Variants in CAPS2 observed in about 807,000 individuals in gnomAD.
The protein encoded by CAPS2 is calcyphosin-2.
In CAPS2, 98 loss-of-function variants were observed where a neutral mutation model predicts 86.5. The observed-to-expected ratio is 1.13, with a 90% CI of 0.96 to 1.34. The LOEUF (loss-of-function observed/expected upper bound fraction) is 1.34. Among genes scored for constraint, CAPS2 ranks in the 40% most tolerant of loss-of-function variants. The probability of loss-of-function intolerance (pLI) is 0.00; values close to 1 mark genes in which losing one functional copy is unlikely to be tolerated. For synonymous variants in CAPS2, 210 were observed against 225.1 expected (o/e 0.93, Z 0.60); for missense variants, 729 against 686.8 (o/e 1.06, Z -0.69).
At chr12:75,300,430 C>A (rs1169705568) in intron 8 of CAPS2, among the ~76,000 whole-genome samples, 1 of 151,786 alleles carries the variant, frequency 6.6e-6, no homozygotes, top group Admixed American at 6.6e-5. Context: ...GTGGTGGGCG[C>A]CCGTAGTCTC....
intron 1 of CAPS2, chr12:75,360,082 C>A (rs2043467481): frequency 6.6e-6 from 1 of 152,110 alleles, no homozygotes; most frequent in African/African-American, 2.4e-5. Context: ...ATGAGAACAG[C>A]ATGGGGGAAA....
intron 2 of CAPS2, among the ~76,000 whole-genome samples, chr12:75,324,477 G>A (rs2040584590): frequency 1.3e-5 from 2 of 152,038 alleles, no homozygotes; most frequent in East Asian, 3.9e-4. Flanking sequence ...CAGAAAATCA[G>A]TCCTTAAACT....
exon 11 of CAPS2, chr12:75,298,705 T>C: frequency 1.2e-6 from 2 of 1,613,766 alleles, no homozygotes; most frequent in Non-Finnish European, 1.7e-6. Context: ...AATCACCAAG[T>C]CGGTATTGTT....
chr12:75,306,293 G>A, intron 7 of CAPS2: 1 of 604,476 alleles, frequency 1.7e-6, no homozygotes, highest in Admixed American at 2.6e-5. Context: ...AAGCTATGGA[G>A]GAGGCCAGAG....
intron 16 of CAPS2, 124 bp from the exon 17 acceptor site, chr12:75,279,189 T>A: frequency 1.1e-6 from 1 of 894,672 alleles, no homozygotes; most frequent in Non-Finnish European, 1.7e-6. Flanking sequence ...TTTGTCAAAC[T>A]ACCAGCCAAT....
At chr12:75,291,489 A>G (rs1369730334) in intron 13 of CAPS2, among the ~76,000 whole-genome samples, 12 of 46,234 alleles carry the variant, frequency 2.6e-4, no homozygotes, top group South Asian at 6.4e-4. Flanking sequence ...GCATATATAT[A>G]TATATATATA....
chr12:75,319,146 A>G (rs1328391743), intron 5 of CAPS2, among the ~76,000 whole-genome samples: 2 of 152,172 alleles, frequency 1.3e-5, no homozygotes, highest in Admixed American at 6.6e-5. Context: ...CAATCTGACA[A>G]CAAGAGATTT....
At chr12:75,284,845 C>G (rs1326975032) in intron 15 of CAPS2, 116 bp downstream of exon 15, 1 of 957,234 alleles carries the variant, frequency 1.0e-6, no homozygotes, top group Non-Finnish European at 1.5e-6. Context: ...TTACTAAACC[C>G]AACATATAAG....
At chr12:75,321,766 G>A (rs537867459) in intron 4 of CAPS2, among the ~76,000 whole-genome samples, 190 bp from the exon 5 acceptor site, 17 of 152,128 alleles carry the variant, frequency 1.1e-4, no homozygotes, top group Non-Finnish European at 2.1e-4. Flanking sequence ...AATCAGAGCA[G>A]ACAGAACTGC....
upstream of CAPS2, among the ~76,000 whole-genome samples, chr12:75,332,742 T>C (rs561719524): frequency 6.6e-6 from 1 of 152,288 alleles, no homozygotes; most frequent in Admixed American, 6.5e-5. Context: ...GCTAGAGATG[T>C]AGCAATGAAG....
At chr12:75,276,667 T>G (rs116245668), downstream of CAPS2, 2,253 of 820,560 alleles carry the variant, frequency 2.7e-3, 35 homozygotes, top group African/African-American at 0.039. Flanking sequence ...TCCTTAAAAT[T>G]CTCAACTTTT....
chr12:75,300,034 TA>T (rs201289375), intron 8 of CAPS2, 123 bp from the exon 9 acceptor site: 105 of 437,344 alleles, frequency 2.4e-4, no homozygotes, highest in East Asian at 5.5e-4. Flanking sequence ...ACAATAAAGG[TA>T]AAAAAAAACT....
intron 11 of CAPS2, 79 bp downstream of exon 11, chr12:75,298,608 C>T (rs1005065450): frequency 3.9e-5 from 40 of 1,022,572 alleles, no homozygotes; most frequent in Non-Finnish European, 6.1e-5. Flanking sequence ...AGACTAGAAG[C>T]CCTACTCCTC....
intron 1 of CAPS2, among the ~76,000 whole-genome samples, chr12:75,359,240 A>G (rs562641570): frequency 6.6e-6 from 1 of 151,564 alleles, no homozygotes; most frequent in East Asian, 1.9e-4. Flanking sequence ...TAGATCTGGC[A>G]AAAGAAAGAG....
intron 1 of CAPS2, among the ~76,000 whole-genome samples, chr12:75,361,240 C>T (rs73364090): frequency 0.3 from 45,679 of 151,990 alleles, 7,947 homozygotes; most frequent in East Asian, 0.45. Context: ...GAAGACACCA[C>T]TCAAAGCTGG....
At chr12:75,380,297 G>A (rs1230582062) in intron 1 of CAPS2, among the ~76,000 whole-genome samples, 1 of 152,106 alleles carries the variant, frequency 6.6e-6, no homozygotes, top group Admixed American at 6.5e-5. Flanking sequence ...TAGGTAATTT[G>A]AACTGTAATT....
At chr12:75,351,833 C>G (rs562463342) in intron 1 of CAPS2, among the ~76,000 whole-genome samples, 357 of 152,236 alleles carry the variant, frequency 2.3e-3, no homozygotes, top group Non-Finnish European at 2.1e-3. Context: ...AGGCATGAGC[C>G]ATCGTGCTGG....
exon 14 of CAPS2, chr12:75,289,678 T>C: frequency 6.2e-7 from 1 of 1,613,440 alleles, no homozygotes; most frequent in South Asian, 1.1e-5. Flanking sequence ...CTGCCTTATC[T>C]AAAAGTCCAT....
chr12:75,376,017 G>A (rs775667812), intron 1 of CAPS2, among the ~76,000 whole-genome samples: 4 of 152,142 alleles, frequency 2.6e-5, no homozygotes, highest in Non-Finnish European at 5.9e-5. Flanking sequence ...TATGTCTTCT[G>A]GATCCGCCCA....
Sources: allele counts gnomAD v4.1 joint callset (sites outside exome capture counted in the v4.1 genomes callset), GRCh38; gene constraint gnomAD v4.1.1; transcripts MANE v1.5; gene names NCBI Gene and HGNC (gene_info 2026-07-23, HGNC 2026-07-21).